The following FUCA1 variants were observed in gnomAD, a reference collection of about 807,000 sequenced individuals.
FUCA1 encodes tissue alpha-L-fucosidase.
In FUCA1, 52 loss-of-function variants were observed where a neutral mutation model predicts 56.8. The observed-to-expected ratio is 0.92, with a 90% CI of 0.73 to 1.15. The LOEUF is 1.15. Ranked by LOEUF, FUCA1 falls within the 50% of genes most tolerant of loss-of-function variation. The pLI is 0.00. For missense variants in FUCA1, 568 were observed against 592.6 expected (o/e 0.96, Z 0.43); for synonymous variants, 230 against 226.6 (o/e 1.02, Z -0.14).
chr1:23,859,532 C>T (rs1435352268), intron 4 of FUCA1, among the ~76,000 whole-genome samples: 1 of 150,962 alleles, frequency 6.6e-6, no homozygotes, highest in Admixed American at 6.6e-5. Flanking sequence ...CACCACTGTA[C>T]TCCAGCCTGG....
intron 3 of FUCA1, 39 bp from the exon 4 acceptor site, chr1:23,859,942 A>G: frequency 7.3e-7 from 1 of 1,368,472 alleles, no homozygotes; most frequent in Non-Finnish European, 1.0e-6. Context: ...TATTATCTGA[A>G]CATGTTCACA....
intron 5 of FUCA1, among the ~76,000 whole-genome samples, chr1:23,849,576 T>C (rs1020818555): frequency 1.1e-5 from 1 of 93,580 alleles, no homozygotes; most frequent in Non-Finnish European, 2.2e-5. Context: ...AGATACGTTC[T>C]TTTTTTTTTT....
intron 2 of FUCA1, 72 bp from the exon 3 acceptor site, chr1:23,863,343 T>G (rs1321619174): frequency 1.3e-6 from 2 of 1,513,616 alleles, no homozygotes; most frequent in Admixed American, 3.6e-5. Context: ...GAAAATCAGT[T>G]CTAGCATTTT....
At chr1:23,864,706 CTTTTT>C (rs563678936) in intron 2 of FUCA1, among the ~76,000 whole-genome samples, 1 of 138,538 alleles carries the variant, frequency 7.2e-6, no homozygotes, top group Non-Finnish European at 1.6e-5. Flanking sequence ...TGTCTTTTTT[CTTTTT>C]TTTTTTTTTT....
intron 3 of FUCA1, among the ~76,000 whole-genome samples, chr1:23,862,583 T>C (rs184487401): frequency 1.9e-3 from 288 of 152,260 alleles, no homozygotes; most frequent in Middle Eastern, 3.4e-3. Flanking sequence ...GGATAAAACA[T>C]TGTGAAGAAC....
At chr1:23,858,962 T>C (rs1455876554) in intron 4 of FUCA1, among the ~76,000 whole-genome samples, 1 of 151,996 alleles carries the variant, frequency 6.6e-6, no homozygotes, top group Non-Finnish European at 1.5e-5. Flanking sequence ...TTTTATTTTT[T>C]GTAGAGATGA....
intron 2 of FUCA1, among the ~76,000 whole-genome samples, chr1:23,863,924 C>T (rs1487657672): frequency 6.6e-6 from 1 of 152,012 alleles, no homozygotes; most frequent in African/African-American, 2.4e-5. Context: ...CCCTGTCAAT[C>T]ATAAAATTTC....
rs2148450111 is a variant in FUCA1, at chr1:23,867,412, C to T, written c.389+486G>A. Reference sequence around the variant, plus strand: ...TGTACTGTTGCCCAAATACACTGCACACCAGAACTCCCCTCTCTTTCCCTC... The same window carrying T: ...TGTACTGTTGCCCAAATACACTGCATACCAGAACTCCCCTCTCTTTCCCTC... On this transcript the variant is annotated intron_variant, in intron 1 of 7. Transcript: ENST00000374479. This position sits in a 1 kb window ranked among gnomAD's most constrained non-coding sequence, Gnocchi z 4.9. Among the ~76,000 whole-genome samples, 1 of 152,266 alleles carries T rather than the reference C, an allele frequency of 6.6e-6. No homozygotes were observed. The highest frequency in any genetic ancestry group is 2.4e-5 in the African/African-American group (1 of 41,540).
chr1:23,864,070 TTC>T (rs1639567960), intron 2 of FUCA1, among the ~76,000 whole-genome samples: 1 of 151,516 alleles, frequency 6.6e-6, no homozygotes, highest in South Asian at 2.1e-4. Flanking sequence ...TTACTAATAG[TTC>T]TTTCTCTTTT....
intron 5 of FUCA1, among the ~76,000 whole-genome samples, chr1:23,852,103 A>AATAATAATAAT (rs1557508064): frequency 2.7e-5 from 1 of 37,050 alleles, no homozygotes; most frequent in Non-Finnish European, 5.5e-5. Flanking sequence ...ATAATAATAA[A>AATAATAATAAT]AAGTGGTTTG....
chr1:23,851,804 C>T lies in FUCA1; in HGVS notation c.969+2556G>A, dbSNP rs542335854. On this transcript the variant is annotated intron_variant, in intron 5 of 7. Transcript: ENST00000374479. ...TTCTCACTCATAAGTGGGAGTTGAA[C>T]AATGAGAACACATGGGACACAGGAA... 4.5e-5 allele frequency among the ~76,000 whole-genome samples: 6 copies of T among 132,512 alleles called. No homozygotes were observed. The East Asian group carries it at 1.2e-3, about 27-fold the overall frequency. The allele number at this position is 132,512 out of a possible 152,430, so 86.9% of individuals were successfully genotyped here.
At chr1:23,848,965 AT>A (rs1013465532) in intron 5 of FUCA1, 126 bp from the exon 6 acceptor site, 24,272 of 607,052 alleles carry the variant, frequency 0.04, no homozygotes, top group East Asian at 0.049. Flanking sequence ...TGCTGTTTTA[AT>A]TTTTTTTTTT....
intron 4 of FUCA1, among the ~76,000 whole-genome samples, chr1:23,854,923 C>T (rs1424911136): frequency 6.6e-6 from 1 of 152,140 alleles, no homozygotes; most frequent in Non-Finnish European, 1.5e-5. Context: ...TAAAGATCAT[C>T]TGGTAAATCA....
chr1:23,847,532 T>C (rs541672232), intron 6 of FUCA1, among the ~76,000 whole-genome samples: 1 of 152,212 alleles, frequency 6.6e-6, no homozygotes, highest in African/African-American at 2.4e-5. Flanking sequence ...TAGGATCATA[T>C]AAGGTAATCA....
rs140888277 is a variant in FUCA1, at chr1:23,863,994, AATC to A, written c.525-726_525-724del. On this transcript the variant is annotated intron_variant, in intron 2 of 7. Coordinates refer to ENST00000374479, the MANE Select transcript of FUCA1 (RefSeq NM_000147.5). Reference sequence around the variant, plus strand: ...ATGCAAAGTACTCTTACTCAGAAATAATCATTAGTAACATTTTCCACACAGTTG... The same window carrying A: ...ATGCAAAGTACTCTTACTCAGAAATAATTAGTAACATTTTCCACACAGTTG... Among the ~76,000 whole-genome samples the A allele has an allele frequency of 9.0e-3, 1,372 of 152,298 alleles. 18 individuals are homozygous for A. Among genetic ancestry groups the A allele is most frequent in the African/African-American group, 0.032 (1,339 of 41,544 alleles).
intron 2 of FUCA1, 76 bp downstream of exon 2, chr1:23,865,415 C>A: frequency 1.9e-6 from 3 of 1,586,892 alleles, no homozygotes; most frequent in Non-Finnish European, 1.7e-6. Context: ...AGAAAACACA[C>A]GCAAGTAGAG....
chr1:23,846,198 CAA>C (rs763356564), intron 6 of FUCA1, 25 bp from the exon 7 acceptor site: 15 of 1,406,784 alleles, frequency 1.1e-5, no homozygotes, highest in Non-Finnish European at 1.5e-5. Flanking sequence ...ACAACACTGT[CAA>C]AGATACCTGA....
In FUCA1 at chr1:23,865,630, G is replaced by A; in HGVS notation, c.390-5C>T. ...TTTGTCGTCAAAACTACATACCTGTGGACAGCAAAACCACATGAGCAAAGG... is the reference window on the plus strand; with the variant it reads ...TTTGTCGTCAAAACTACATACCTGTAGACAGCAAAACCACATGAGCAAAGG... On this transcript the variant is annotated splice_region_variant and splice_polypyrimidine_tract_variant and intron_variant, in intron 1 of 7. Coordinates refer to ENST00000374479, the MANE Select transcript of FUCA1 (RefSeq NM_000147.5). 1.2e-6 allele frequency: 2 copies of A among 1,614,196 alleles called. No homozygotes were observed. Among genetic ancestry groups the A allele is most frequent in the Non-Finnish European group, 1.7e-6 (2 of 1,180,030 alleles).
intron 6 of FUCA1, 73 bp from the exon 7 acceptor site, chr1:23,846,246 C>A: frequency 1.0e-6 from 1 of 961,046 alleles, no homozygotes; most frequent in Non-Finnish European, 1.7e-6. Context: ...TACATTTCCT[C>A]CTTTTTAATG....
Sources: gnomAD v4.1 joint callset for allele counts (sites outside exome capture counted in the v4.1 genomes callset) on GRCh38, gnomAD v4.1.1 for gene constraint, Gnocchi (gnomAD v3.1) non-coding constraint, MANE v1.5 for transcripts, NCBI Gene and HGNC (gene_info 2026-07-23, HGNC 2026-07-21) for gene names.